ABCG8: variants seen among roughly 807,000 people sequenced by gnomAD.
ABCG8 encodes the protein ATP-binding cassette sub-family G member 8.
Under a neutral mutation model 71.3 loss-of-function variants are expected in ABCG8, and 81 were observed. That is an observed-to-expected ratio of 1.14 (90% CI 0.95 to 1.37). The LOEUF is 1.37. Among genes scored for constraint, ABCG8 ranks in the 40% most tolerant of loss-of-function variants. ABCG8 has a pLI of 0.00. For synonymous variants in ABCG8, 451 were observed against 354.7 expected (o/e 1.27, Z -3.05); for missense variants, 1,119 against 866.2 (o/e 1.29, Z -3.66).
intron 4 of ABCG8, 37 bp from the exon 5 acceptor site, chr2:43,852,300 TCCAGCCCTGAAGGAGGC>T: frequency 3.7e-6 from 6 of 1,611,012 alleles, no homozygotes; most frequent in Non-Finnish European, 5.1e-6. Context: ...TCACAATGTG[TCCAGCCCTGAAGGAGGC>T]CCCTGAGGTG....
At chr2:43,876,483 C>T (rs1298066667) in intron 11 of ABCG8, among the ~76,000 whole-genome samples, 1 of 151,052 alleles carries the variant, frequency 6.6e-6, no homozygotes, top group Non-Finnish European at 1.5e-5. Flanking sequence ...TACGGGGAGA[C>T]CATGAGAATA....
chr2:43,844,453 C>A, intron 1 of ABCG8, 54 bp from the exon 2 acceptor site: 1 of 1,446,586 alleles, frequency 6.9e-7, no homozygotes, highest in Non-Finnish European at 9.7e-7. Flanking sequence ...CTTGTCTTCT[C>A]CTATGTTCTC....
At chr2:43,874,222 A>G (rs1353883637) in intron 9 of ABCG8, among the ~76,000 whole-genome samples, 185 bp from the exon 10 acceptor site, 2 of 152,184 alleles carry the variant, frequency 1.3e-5, no homozygotes, top group East Asian at 3.8e-4. Flanking sequence ...ACAGACTTGC[A>G]AAACCTGAAG....
intron 6 of ABCG8, among the ~76,000 whole-genome samples, chr2:43,856,217 TCTGA>T (rs921712066): frequency 1.3e-5 from 2 of 152,034 alleles, no homozygotes; most frequent in African/African-American, 2.4e-5. Context: ...TGGGTAGAAC[TCTGA>T]CTATCTGTCT....
rs538211444 is a variant in ABCG8, at chr2:43,867,708, T to G, written c.965-4268T>G. ...CTGGATAGAATTCTCACTCTGTGGA[T>G]AGAACTCTCCGTATCAATCTGGATA... On this transcript the variant is annotated intron_variant, in intron 6 of 12. Coordinates refer to ENST00000272286, the MANE Select transcript of ABCG8 (RefSeq NM_022437.3). 2.0e-5 allele frequency among the ~76,000 whole-genome samples: 3 copies of G among 150,986 alleles called. No homozygotes were observed. In the East Asian group the frequency reaches 5.8e-4, roughly 29 times the overall value.
rs992460606 is a variant in ABCG8, at chr2:43,881,994, G to T, written c.*4081G>T. ...AAGAAAGTATTATTTACAAAAACAG[G>T]CAGGTTGCTAGATTTGACCTGAGGG... On this transcript the variant is annotated 3_prime_UTR_variant, in exon 13 of 13. Coordinates refer to ENST00000272286, the MANE Select transcript of ABCG8 (RefSeq NM_022437.3). 6.6e-6 allele frequency: 1 copy of T among 152,176 alleles called. No individual in the cohort carries two copies. The highest frequency in any genetic ancestry group is 2.4e-5 in the African/African-American group (1 of 41,436). The allele number at this position is 152,176 out of a possible 1,614,324, so 9.4% of individuals were successfully genotyped here.
At chr2:43,852,569 A>C in intron 5 of ABCG8, 30 bp from the exon 6 acceptor site, 1 of 1,613,564 alleles carries the variant, frequency 6.2e-7, no homozygotes, top group South Asian at 1.1e-5. Flanking sequence ...AGCCCCACCG[A>C]CTCACCAGGC....
chr2:43,860,789 TC>T (rs1558827422), intron 6 of ABCG8, among the ~76,000 whole-genome samples: 1 of 136,994 alleles, frequency 7.3e-6, no homozygotes, highest in African/African-American at 2.8e-5. Context: ...TGTATAGAAT[TC>T]TCACCCTCTG....
Position 43,852,870 on chromosome 2 carries a change from T to A in ABCG8, c.964+2T>A. On this transcript the variant is annotated splice_donor_variant, in intron 6 of 12. Transcript: ENST00000272286. LOFTEE classifies it high-confidence loss of function. Reference sequence around the variant, plus strand: ...ACAGCAATCCTGCTGACTTCTATGGTGAGTCCCCAAGGCCAGCAGCCAGGG... The same window carrying A: ...ACAGCAATCCTGCTGACTTCTATGGAGAGTCCCCAAGGCCAGCAGCCAGGG... 1 of 1,613,924 alleles carries A rather than the reference T, an allele frequency of 6.2e-7. No homozygotes were observed. Among genetic ancestry groups the A allele is most frequent in the South Asian group, 1.1e-5 (1 of 91,068 alleles).
intron 6 of ABCG8, among the ~76,000 whole-genome samples, chr2:43,859,819 C>T (rs1351359557): frequency 6.6e-6 from 1 of 151,334 alleles, no homozygotes; most frequent in East Asian, 1.9e-4. Context: ...ATAGAATTCT[C>T]ACCATCTAGT....
rs1669869378 is a variant in ABCG8, at chr2:43,873,961, CGTCATTCTGGAT to C, written c.1392_1403del (p.Leu465_Ile468del). 1.9e-6 allele frequency: 3 copies of C among 1,614,090 alleles called. No individual in the cohort carries two copies. The East Asian group carries it at 6.7e-5, about 36-fold the overall frequency. On this transcript the variant is annotated inframe_deletion, in exon 9 of 13. Coordinates refer to ENST00000272286, the MANE Select transcript of ABCG8 (RefSeq NM_022437.3). ...TGATCGGTGCTCTCATCCCTTTCAA[CGTCATTCTGGAT>C]GTCATCTCCAAATGTGAGTGTGGCC...
rs146371650 is a variant in ABCG8 at position 43,842,292 on chromosome 2, C to T, written c.64-2215C>T. 7.2e-4 allele frequency among the ~76,000 whole-genome samples: 109 copies of T among 152,284 alleles called. 1 individual carries two copies. In the East Asian group the frequency reaches 0.02, roughly 29 times the overall value. On this transcript the variant is annotated intron_variant, in intron 1 of 12. Coordinates refer to ENST00000272286, the MANE Select transcript of ABCG8 (RefSeq NM_022437.3). ...CTTCCCAAAGTGCTGGGATTACAGG[C>T]ATGAGCCACTGCGCACAGCTGGCAA...
chr2:43,860,385 TCA>T lies in ABCG8; in HGVS notation c.964+7519_964+7520del, dbSNP rs200704747. 8.3e-3 allele frequency among the ~76,000 whole-genome samples: 1,241 copies of T among 150,150 alleles called. 23 individuals carry two copies. The highest frequency in any genetic ancestry group is 0.029 in the African/African-American group (1,178 of 40,942). ...AATTCTCACTATCTGGATAAAAGTC[TCA>T]CTCTCTGTTTGGTACAGTTCTCACG... On this transcript the variant is annotated intron_variant, in intron 6 of 12. Transcript: ENST00000272286.
At position 43,875,206 on chromosome 2, in the gene ABCG8, T is replaced by A; in HGVS notation, c.1549T>A (p.Trp517Arg). Residue 517 changes from tryptophan to arginine, a missense_variant, in exon 11 of 13, where the codon TGG (tryptophan) becomes AGG (arginine). By Grantham distance (101) the Trp-to-Arg change is moderately radical. Coordinates refer to ENST00000272286, the MANE Select transcript of ABCG8 (RefSeq NM_022437.3). The part of the protein sequence containing the change: ...YIIIYGMPTY[W>R]LANLRPGLQP... ...CATCATCTACGGGATGCCCACCTAC[T>A]GGCTGGCCAACCTGAGGCCAGGCCT... is the stretch of plus-strand genomic sequence containing the variant. 6.2e-7 allele frequency: 1 copy of A among 1,614,268 alleles called. No individual in the cohort carries two copies. Among genetic ancestry groups the A allele is most frequent in the African/African-American group, 1.3e-5 (1 of 75,076 alleles).
intron 6 of ABCG8, among the ~76,000 whole-genome samples, chr2:43,862,100 C>G (rs1220469865): frequency 1.3e-5 from 2 of 151,100 alleles, no homozygotes; most frequent in South Asian, 2.1e-4. Flanking sequence ...AAAAATCTCA[C>G]TATCTTTCTG....
Position 43,878,063 on chromosome 2 carries a change from C to G in ABCG8, c.*150C>G. On this transcript the variant is annotated 3_prime_UTR_variant, in exon 13 of 13. Transcript: ENST00000272286. The stretch of plus-strand genomic sequence containing the variant: ...GCCCAGGGTGCTGCAGTGGCACAGA[C>G]CAGCCACAGGATGGCAGTAGAATAA... 9.0e-7 allele frequency: 1 copy of G among 1,109,640 alleles called. No homozygotes were observed. The highest frequency in any genetic ancestry group is 1.3e-5 in the South Asian group (1 of 74,920). 68.7% of individuals were successfully genotyped at this position (1,109,640 alleles called of 1,614,324 possible).
At chr2:43,853,738 A>G (rs1669004648) in intron 6 of ABCG8, among the ~76,000 whole-genome samples, 1 of 152,204 alleles carries the variant, frequency 6.6e-6, no homozygotes, top group South Asian at 2.1e-4. Flanking sequence ...ACAGATGAGA[A>G]GCCTGGAGCT....
intron 6 of ABCG8, among the ~76,000 whole-genome samples, chr2:43,854,293 AC>A (rs1209637210): frequency 6.6e-6 from 1 of 151,922 alleles, no homozygotes; most frequent in East Asian, 1.9e-4. Context: ...GGTTTATAAG[AC>A]CCCACCTAGA....
chr2:43,850,559 G>C (rs1668881304), intron 3 of ABCG8, among the ~76,000 whole-genome samples: 1 of 152,196 alleles, frequency 6.6e-6, no homozygotes, highest in African/African-American at 2.4e-5. Flanking sequence ...CACCCAGGTA[G>C]TAAGCTTTGT....
Sources: allele counts gnomAD v4.1 joint callset (sites outside exome capture counted in the v4.1 genomes callset), GRCh38; gene constraint gnomAD v4.1.1; transcripts MANE v1.5; gene names NCBI Gene and HGNC (gene_info 2026-07-23, HGNC 2026-07-21).